Variants in COX10 observed in about 807,000 individuals in gnomAD.
COX10 encodes protoheme IX farnesyltransferase, mitochondrial.
In COX10, 27 loss-of-function variants were observed where a neutral mutation model predicts 37.3. The observed-to-expected ratio is 0.72, with a 90% CI of 0.53 to 1.00. The LOEUF is 1.00. Ranked by LOEUF, COX10 falls within the 50% of genes least tolerant of loss-of-function variation. COX10 has a pLI of 0.00. For synonymous variants in COX10, 222 were observed against 229.1 expected, an observed-to-expected ratio of 0.97 and a Z score of 0.28; for missense variants, 475 against 563.2, an observed-to-expected ratio of 0.84 and a Z score of 1.59.
chr17:14,069,534 A>G lies in COX10; in HGVS notation c.-72A>G. 9 of 1,584,706 alleles carry G rather than the reference A, an allele frequency of 5.7e-6. No homozygotes were observed. The highest frequency in any genetic ancestry group is 7.8e-6 in the Non-Finnish European group (9 of 1,156,918). ...TCCCACAGGGGGGCGGGGAAGGAAG[A>G]TGGCGGCGCCCAGCGTCCCGTGAGG... is the stretch of plus-strand genomic sequence containing the variant. On this transcript the variant is annotated 5_prime_UTR_variant, in exon 1 of 7. The change abolishes an upstream ATG in the 5' untranslated region. Transcript: ENST00000261643.
chr17:14,187,356 G>C (rs1372238663), intron 5 of COX10, among the ~76,000 whole-genome samples: 2 of 152,132 alleles, frequency 1.3e-5, no homozygotes, highest in African/African-American at 2.4e-5. Context: ...AAGTATATTG[G>C]TTGAATTAAT....
At chr17:14,161,420 G>A (rs951854726) in intron 5 of COX10, among the ~76,000 whole-genome samples, 3 of 152,152 alleles carry the variant, frequency 2.0e-5, no homozygotes, top group Admixed American at 6.5e-5. Context: ...GGTTTAAGGA[G>A]GTGCATATGG....
chr17:14,106,914 G>A (rs1339697636), intron 4 of COX10, among the ~76,000 whole-genome samples: 2 of 152,130 alleles, frequency 1.3e-5, no homozygotes, highest in African/African-American at 4.8e-5. Context: ...TGTCTTTAAT[G>A]TTTTACAGTG....
At chr17:14,165,164 A>G (rs535216782) in intron 5 of COX10, among the ~76,000 whole-genome samples, 1 of 152,336 alleles carries the variant, frequency 6.6e-6, no homozygotes, top group African/African-American at 2.4e-5. Context: ...GTAAAGTGTA[A>G]TGTATCTAAA....
chr17:14,174,197 G>C (rs2079617), intron 5 of COX10, among the ~76,000 whole-genome samples: 3,818 of 151,854 alleles, frequency 0.025, 76 homozygotes, highest in Admixed American at 0.034. Flanking sequence ...CAGTGGCTCA[G>C]GCCTGTAATC....
intron 2 of COX10, among the ~76,000 whole-genome samples, chr17:14,075,787 G>A (rs1016959843): frequency 2.6e-5 from 4 of 151,672 alleles, no homozygotes; most frequent in South Asian, 2.1e-4. Context: ...TCAGGAGATC[G>A]AGACCATCCT....
chr17:14,109,740 G>T (rs1915972261), intron 4 of COX10, among the ~76,000 whole-genome samples: 1 of 152,076 alleles, frequency 6.6e-6, no homozygotes, highest in Non-Finnish European at 1.5e-5. Context: ...CTGCTACCAG[G>T]TTAACTGCTG....
intron 4 of COX10, among the ~76,000 whole-genome samples, chr17:14,112,036 A>G (rs1351276366): frequency 6.6e-6 from 1 of 152,158 alleles, no homozygotes; most frequent in Non-Finnish European, 1.5e-5. Context: ...ACTTACTCTG[A>G]TTGAGCGCGT....
intron 5 of COX10, among the ~76,000 whole-genome samples, chr17:14,168,559 C>T (rs993251613): frequency 1.3e-5 from 2 of 152,232 alleles, no homozygotes; most frequent in African/African-American, 4.8e-5. Flanking sequence ...GACATCCAGG[C>T]ATTTCCATAC....
intron 3 of COX10, 66 bp from the exon 4 acceptor site, chr17:14,102,052 C>T (rs760670874): frequency 2.5e-4 from 407 of 1,601,540 alleles, no homozygotes; most frequent in Non-Finnish European, 3.4e-4. Flanking sequence ...TGTTTTTTGT[C>T]GTTCTGGCCT....
chr17:14,075,991 CAAAA>C (rs71147838), intron 2 of COX10, among the ~76,000 whole-genome samples: 6 of 83,410 alleles, frequency 7.2e-5, no homozygotes, highest in East Asian at 3.3e-4. Context: ...GGCTCCATCT[CAAAA>C]AAAAAAAAAA....
chr17:14,140,186 A>G (rs894742226), intron 4 of COX10, among the ~76,000 whole-genome samples: 9 of 152,306 alleles, frequency 5.9e-5, no homozygotes, highest in East Asian at 1.9e-4. Context: ...AGCCACATCT[A>G]TCTATACTTA....
intron 4 of COX10, among the ~76,000 whole-genome samples, chr17:14,119,095 A>G (rs1916174458): frequency 6.6e-6 from 1 of 151,832 alleles, no homozygotes. Flanking sequence ...CTGTTTATTC[A>G]TCATTGAACT....
chr17:14,195,599 A>G (rs1406052874), intron 6 of COX10, among the ~76,000 whole-genome samples: 2 of 152,222 alleles, frequency 1.3e-5, no homozygotes, highest in African/African-American at 4.8e-5. Flanking sequence ...TCTATATTTC[A>G]TCATCCTCAC....
intron 3 of COX10, among the ~76,000 whole-genome samples, chr17:14,083,597 G>T (rs181583743): frequency 6.6e-6 from 1 of 152,328 alleles, no homozygotes; most frequent in East Asian, 1.9e-4. Flanking sequence ...TCATCTGTGG[G>T]TTAGTGGGTA....
intron 3 of COX10, among the ~76,000 whole-genome samples, chr17:14,093,338 C>T (rs1025634770): frequency 5.3e-5 from 8 of 151,910 alleles, no homozygotes; most frequent in Admixed American, 1.3e-4. Flanking sequence ...CATTTTTTAA[C>T]GTAATCTTTA....
chr17:14,069,670 C>T, intron 1 of COX10, 22 bp downstream of exon 1: 1 of 1,613,922 alleles, frequency 6.2e-7, no homozygotes, highest in Non-Finnish European at 8.5e-7. Flanking sequence ...GCCTTGGGCA[C>T]GACCTTGGGG....
intron 3 of COX10, among the ~76,000 whole-genome samples, chr17:14,089,580 G>T (rs1915480437): frequency 6.6e-6 from 1 of 152,202 alleles, no homozygotes; most frequent in Non-Finnish European, 1.5e-5. Flanking sequence ...CGTTGAAGAA[G>T]TTGAAGAACA....
chr17:14,187,377 C>T (rs1906065962), intron 5 of COX10, among the ~76,000 whole-genome samples: 1 of 152,004 alleles, frequency 6.6e-6, no homozygotes, highest in Non-Finnish European at 1.5e-5. Context: ...TGTGGTATAT[C>T]CAAAGAATAA....
Sources: gnomAD v4.1 joint callset for allele counts (sites outside exome capture counted in the v4.1 genomes callset) on GRCh38, gnomAD v4.1.1 for gene constraint, MANE v1.5 for transcripts, NCBI Gene and HGNC (gene_info 2026-07-23, HGNC 2026-07-21) for gene names.